GSN: variants seen among roughly 807,000 people sequenced by gnomAD.
The protein encoded by GSN is actin-depolymerizing factor.
GSN carries 56 observed loss-of-function variants against 85.7 expected under a neutral mutation model. The ratio of observed to expected loss-of-function variants is 0.65; its 90% confidence interval spans 0.53 to 0.82. The LOEUF is 0.82. Ranked by LOEUF, GSN falls within the 40% of genes least tolerant of loss-of-function variation. The pLI is 0.00. For synonymous variants in GSN, 373 were observed against 399.1 expected, an observed-to-expected ratio of 0.93 and a Z score of 0.78; for missense variants, 857 against 979.8, an observed-to-expected ratio of 0.87 and a Z score of 1.67.
chr9:121,328,747 T>G, intron 14 of GSN, 144 bp from the exon 15 acceptor site: 1 of 904,350 alleles, frequency 1.1e-6, no homozygotes, highest in East Asian at 2.5e-5. Context: ...GCCTCTTCCC[T>G]CTGGATCTCC....
In GSN at chr9:121,229,510, C is replaced by T. The variant is rs186777336; in HGVS notation, c.-527-1655C>T. Among the ~76,000 whole-genome samples, 87 of 152,320 alleles carry T rather than the reference C, an allele frequency of 5.7e-4. No homozygotes were observed. The South Asian group carries it at 0.015, about 27-fold the overall frequency. On this transcript the variant is annotated intron_variant, in intron 4 of 24. Transcript: ENST00000373823. ...GCTGGGATTACAGACTGAGCCACCA[C>T]GCCCGGCCTCATAATGAAATTTTGA...
At position 121,328,897 on chromosome 9, in the gene GSN, T is replaced by C. The variant is rs755154034; in HGVS notation, c.1769T>C (p.Phe590Ser). The C allele has an allele frequency of 5.0e-6, 8 of 1,611,448 alleles. No homozygotes were observed. The highest frequency in any genetic ancestry group is 5.1e-6 in the Non-Finnish European group (6 of 1,179,998). ...QVAEGSEPDGFWEALGGKAAY... is the reference protein window; with the variant it reads ...QVAEGSEPDGSWEALGGKAAY... The stretch of plus-strand genomic sequence containing the variant: ...GCGTGGCCTCCCCTCACAGATGGCT[T>C]CTGGGAGGCCCTGGGCGGGAAGGCT... Residue 590 changes from phenylalanine (F) to serine (S), a missense_variant, in exon 15 of 18, where the codon TTC (phenylalanine) becomes TCC (serine). Coordinates refer to ENST00000432226, the MANE Select transcript of GSN (RefSeq NM_198252.3).
chr9:121,314,130 T>A, intron 7 of GSN, 107 bp downstream of exon 7: 1 of 881,110 alleles, frequency 1.1e-6, no homozygotes, highest in South Asian at 1.4e-5. Context: ...AAGCACCCCT[T>A]TGGAGGGGGG....
intron 2 of GSN, chr9:121,300,179 C>T (rs2059676317): frequency 1.6e-6 from 2 of 1,266,532 alleles, no homozygotes; most frequent in Admixed American, 1.7e-5. Flanking sequence ...AGGGTGGGAG[C>T]CTCGGGGCCC....
chr9:121,308,207 A>G (rs566949178), intron 4 of GSN, among the ~76,000 whole-genome samples: 1 of 152,354 alleles, frequency 6.6e-6, no homozygotes, highest in South Asian at 2.1e-4. Flanking sequence ...CTCTGTGAGC[A>G]CTGGCCGCCC....
At chr9:121,210,933 G>A (rs1345816551) in intron 4 of GSN, 2 of 152,192 alleles carry the variant, frequency 1.3e-5, no homozygotes, top group Non-Finnish European at 2.9e-5. Flanking sequence ...AGGAATGAAT[G>A]GATGACAAAA....
intron 5 of GSN, chr9:121,311,143 ACT>A (rs1313617117): frequency 1.4e-5 from 6 of 434,912 alleles, no homozygotes; most frequent in African/African-American, 1.2e-4. Flanking sequence ...ATGGGCAAAC[ACT>A]CTGGGCTTTT....
chr9:121,282,412 C>G, intron 2 of GSN: 1 of 1,106,726 alleles, frequency 9.0e-7, no homozygotes, highest in African/African-American at 1.6e-5. Context: ...ACCCCTCCAA[C>G]CCACGCCATC....
At chr9:121,315,126 GC>G (rs1339948590) in intron 7 of GSN, among the ~76,000 whole-genome samples, 2 of 152,174 alleles carry the variant, frequency 1.3e-5, no homozygotes, top group Non-Finnish European at 2.9e-5. Context: ...CTCCCAAAGT[GC>G]TGGGATTACA....
intron 5 of GSN, among the ~76,000 whole-genome samples, chr9:121,245,080 A>T (rs780387771): frequency 2.8e-4 from 43 of 152,168 alleles, no homozygotes; most frequent in Non-Finnish European, 5.0e-4. Context: ...AATTAAAATG[A>T]CCCTGTGTGT....
chr9:121,326,854 C>A, intron 13 of GSN, 172 bp downstream of exon 13: 1 of 778,288 alleles, frequency 1.3e-6, no homozygotes, highest in Non-Finnish European at 2.4e-6. Flanking sequence ...TTAGACTCCC[C>A]CCTGTTTCAA....
At chr9:121,317,254 T>A (rs1167919793) in intron 8 of GSN, 36 bp downstream of exon 8, 2 of 1,610,790 alleles carry the variant, frequency 1.2e-6, no homozygotes, top group Non-Finnish European at 1.7e-6. Context: ...AACTGGCCTG[T>A]AGGATCTTGG....
chr9:121,244,976 A>T lies in GSN; in HGVS notation c.-388-3300A>T, dbSNP rs142496339. Among the ~76,000 whole-genome samples, 13 of 151,918 alleles carry T rather than the reference A, an allele frequency of 8.6e-5. No homozygotes were observed. In the East Asian group the frequency reaches 2.5e-3, roughly 29 times the overall value. On this transcript the variant is annotated intron_variant, in intron 5 of 24. Transcript: ENST00000373823. ...CTTTAGAAGCTAGCTTCTAAAAAAA[A>T]AGTAGATTTAACTTTGGAACAATGT...
chr9:121,332,665 G>C lies in GSN; in HGVS notation c.*62G>C. 1 of 1,306,618 alleles carries C rather than the reference G, an allele frequency of 7.7e-7. No homozygotes were observed. Among genetic ancestry groups the C allele is most frequent in the Admixed American group, 1.9e-5 (1 of 53,318 alleles). The allele number at this position is 1,306,618 out of a possible 1,614,324, so 80.9% of individuals were successfully genotyped here. ...CTTTTGGAACTGTCCTTCCCTCAAA[G>C]AGGCCTTAGAGCGAGCAGAGCAGCT... On this transcript the variant is annotated 3_prime_UTR_variant, in exon 18 of 18. Transcript: ENST00000432226. This position sits in a 1 kb window ranked among gnomAD's most constrained non-coding sequence, Gnocchi z 4.8.
chr9:121,311,075 T>C (rs2061072765), intron 5 of GSN: 2 of 577,154 alleles, frequency 3.5e-6, no homozygotes, highest in East Asian at 5.9e-5. Flanking sequence ...TCCTGGCACC[T>C]TCTGTTCATA....
intron 17 of GSN, chr9:121,331,863 G>A (rs750625287): frequency 3.6e-5 from 7 of 192,484 alleles, no homozygotes; most frequent in East Asian, 2.5e-4. Flanking sequence ...AAAGCAGCCC[G>A]GGCAACATAG....
chr9:121,301,574 C>T lies in GSN; in HGVS notation c.-9-389C>T, dbSNP rs183404231. On this transcript the variant is annotated intron_variant, in intron 2 of 17. Transcript: ENST00000432226. ...CCAGGAGGCAGAGGTTACAGTGAGT[C>T]GAGATTGCACCATTGCACTCCAGAC... is the stretch of plus-strand genomic sequence containing the variant. Among the ~76,000 whole-genome samples, 188 of 143,550 alleles carry T rather than the reference C, an allele frequency of 1.3e-3. 1 individual carries two copies. Among genetic ancestry groups the T allele is most frequent in the African/African-American group, 4.6e-3 (178 of 38,432 alleles). 94.2% of individuals were successfully genotyped at this position (143,550 alleles called of 152,430 possible). A position where few individuals can be genotyped will look rare whatever the true frequency, so the allele number is the denominator to read the frequency against.
chr9:121,264,695 T>C (rs2055162295), upstream of GSN, among the ~76,000 whole-genome samples: 1 of 152,158 alleles, frequency 6.6e-6, no homozygotes, highest in Non-Finnish European at 1.5e-5. Context: ...ATTCTTTCCA[T>C]CCTTTCAAGG....
At chr9:121,274,253 C>CT (rs139454923) in intron 1 of GSN, among the ~76,000 whole-genome samples, 1 of 151,462 alleles carries the variant, frequency 6.6e-6, no homozygotes, top group Non-Finnish European at 1.5e-5. Flanking sequence ...TTGCCTCCTA[C>CT]TTTTTTTTTG....
Sources: allele counts gnomAD v4.1 joint callset (sites outside exome capture counted in the v4.1 genomes callset), GRCh38; gene constraint gnomAD v4.1.1; non-coding constraint Gnocchi (gnomAD v3.1); transcripts MANE v1.5; gene names NCBI Gene and HGNC (gene_info 2026-07-23, HGNC 2026-07-21).